CYP2D6: variants seen among roughly 807,000 people sequenced by gnomAD.
The protein encoded by CYP2D6 is cytochrome P450 2D6.
Under a neutral mutation model 43.5 loss-of-function variants are expected in CYP2D6, and 51 were observed. The ratio of observed to expected loss-of-function variants is 1.17; its 90% CI spans 0.94 to 1.48. The LOEUF is 1.48. Among genes scored for constraint, CYP2D6 ranks in the 40% most tolerant of loss-of-function variants. The probability of loss-of-function intolerance (pLI) is 0.00; values close to 1 mark genes in which losing one functional copy is unlikely to be tolerated. For missense variants in CYP2D6, 698 were observed against 688.0 expected (o/e 1.01, Z -0.16); for synonymous variants, 346 against 297.1 (o/e 1.16, Z -1.69).
chr22:42,129,484 C>G (rs550962597), intron 2 of CYP2D6: 1 of 724,562 alleles, frequency 1.4e-6, no homozygotes, highest in South Asian at 1.6e-5. Context: ...ACACCGGATT[C>G]CAGCTGGGAA....
rs200720666 is a variant in CYP2D6 at position 42,128,973 on chromosome 22, C to T, written c.506-29G>A. The T allele has an allele frequency of 3.1e-5, 49 of 1,581,394 alleles. 1 individual carries two copies. The highest frequency in any genetic ancestry group is 1.3e-4 in the Admixed American group (7 of 54,752). On this transcript the variant is annotated intron_variant, in intron 3 of 8. Coordinates refer to ENST00000645361, the MANE Select transcript of CYP2D6 (RefSeq NM_000106.6). ...GGGGTGGGAGATGCGGGTAAGGGGT[C>T]GCCTTCCCCGTCCCCCGCCTTCCCA...
At chr22:42,127,748 G>C (rs952762122) in intron 6 of CYP2D6, 94 bp downstream of exon 6, 9 of 1,573,650 alleles carry the variant, frequency 5.7e-6, no homozygotes, top group Non-Finnish European at 7.9e-6. Flanking sequence ...GGTCAAGCCT[G>C]TGCTTGGAGC....
rs140513104 is a variant in CYP2D6, at chr22:42,127,853, G to A, written c.974C>T (p.Pro325Leu). The A allele has an allele frequency of 1.5e-4, 247 of 1,610,896 alleles. 5 individuals carry two copies. Among genetic ancestry groups the A allele is most frequent in the South Asian group, 7.0e-4 (64 of 90,904 alleles). ...CCAGATGGGCTCACGCTGCACATCC[G>A]GATGTAGGATCATGAGCAGGAGGCC... is the stretch of plus-strand genomic sequence containing the variant. ...AWGLLLMILH[P>L]DVQRRVQQEI... is the part of the protein sequence containing the mutation. Residue 325 changes from proline to leucine, a missense_variant, in exon 6 of 9, where the codon CCG becomes CTG. Physicochemically the swap from Pro to Leu is moderately conservative, Grantham distance 98 (BLOSUM62 -3). Coordinates refer to ENST00000645361, the MANE Select transcript of CYP2D6 (RefSeq NM_000106.6).
rs1135837 is a variant in CYP2D6, at chr22:42,126,633, C to T, written c.1435G>A (p.Gly479Ser). 1 of 1,609,356 alleles carries T rather than the reference C, an allele frequency of 6.2e-7. No individual in the cohort carries two copies. Among genetic ancestry groups the T allele is most frequent in the Non-Finnish European group, 8.5e-7 (1 of 1,177,714 alleles). ...GGGCTCACCAGGAAAGCAAAGACAC[C>T]ATGGTGGCTGGGCCGGGGCTGTCCA... ...PTGQPRPSHH[G>S]VFAFLVSPSP... The change falls in exon 9 of 9, where the codon GGT becomes AGT. Residue 479 changes from glycine (G) to serine (S), a missense_variant. Gly to Ser is a moderately conservative substitution (Grantham distance 56, BLOSUM62 0). Coordinates refer to ENST00000645361, the MANE Select transcript of CYP2D6 (RefSeq NM_000106.6).
At position 42,126,650 on chromosome 22, in the gene CYP2D6, G is replaced by T. The variant is rs761146705; in HGVS notation, c.1418C>A (p.Pro473His). The part of the protein sequence containing the change: ...HFSFSVPTGQ[P>H]RPSHHGVFAF... ...AAAGACACCATGGTGGCTGGGCCGG[G>T]GCTGTCCAGTGGGCACCGAGAAGCT... Residue 473 changes from proline to histidine, a missense_variant, in exon 9 of 9, where the codon CCC becomes CAC. By Grantham distance (77) the Pro-to-His change is moderately conservative (BLOSUM62 -2). Around this residue, in one of 5 missense-constraint regions of CYP2D6, gnomAD observed 85 missense variants for 81.2 expected, o/e 1.05. Transcript: ENST00000645361. 1 of 1,609,624 alleles carries T rather than the reference G, an allele frequency of 6.2e-7. No homozygotes were observed. Among genetic ancestry groups the T allele is most frequent in the South Asian group, 1.1e-5 (1 of 90,544 alleles).
Position 42,128,961 on chromosome 22 carries a change from C to A in CYP2D6, c.506-17G>T, listed in dbSNP as rs554875652. On this transcript the variant is annotated splice_polypyrimidine_tract_variant and intron_variant, in intron 3 of 8. Transcript: ENST00000645361. ...AGGGGCGTCCTGGGGGTGGGAGATG[C>A]GGGTAAGGGGTCGCCTTCCCCGTCC... 4 of 1,582,596 alleles carry A rather than the reference C, an allele frequency of 2.5e-6. No individual in the cohort carries two copies. Among genetic ancestry groups the A allele is most frequent in the African/African-American group, 1.4e-5 (1 of 73,564 alleles).
rs747998333 is a variant in CYP2D6, at chr22:42,126,622, A to G, written c.1446T>C (p.Ala482=). 6.2e-6 allele frequency: 10 copies of G among 1,608,148 alleles called. No individual in the cohort carries two copies. Among genetic ancestry groups the G allele is most frequent in the Non-Finnish European group, 8.5e-6 (10 of 1,177,168 alleles). ...CATAGGGGGATGGGCTCACCAGGAA[A>G]GCAAAGACACCATGGTGGCTGGGCC... is the stretch of plus-strand genomic sequence containing the variant. ...QPRPSHHGVF[A]FLVSPSPYEL... Residue 482 remains alanine (A), a synonymous_variant, in exon 9 of 9, where the codon GCT becomes GCC. Transcript: ENST00000645361.
intron 2 of CYP2D6, 102 bp downstream of exon 2, chr22:42,129,636 G>C: frequency 6.7e-7 from 1 of 1,500,076 alleles, no homozygotes; most frequent in Non-Finnish European, 9.2e-7. Flanking sequence ...TCGCTGGCCT[G>C]TTTCATGTCC....
rs765549386 is a variant in CYP2D6 at position 42,128,817 on chromosome 22, C to T, written c.633G>A (p.Glu211=). The change falls in exon 4 of 9, where the codon GAG becomes GAA. Residue 211 remains glutamate (E), a synonymous_variant. Transcript: ENST00000645361. ...RFLRLLDLAQ[E]GLKEESGFLR... is the part of the protein sequence containing the mutation. ...GAAAGCCCGACTCCTCCTTCAGTCCCTCCTGAGCTAGGTCCAGCAGCCTGA... is the reference window on the plus strand; with the variant it reads ...GAAAGCCCGACTCCTCCTTCAGTCCTTCCTGAGCTAGGTCCAGCAGCCTGA... The T allele has an allele frequency of 7.5e-6, 12 of 1,605,448 alleles. No individual in the cohort carries two copies. The highest frequency in any genetic ancestry group is 3.3e-5 in the South Asian group (3 of 90,076).
rs758604802 is a variant in CYP2D6, at chr22:42,127,008, A to C, written c.1174-16T>G. On this transcript the variant is annotated splice_polypyrimidine_tract_variant and intron_variant, in intron 7 of 8. Coordinates refer to ENST00000645361, the MANE Select transcript of CYP2D6 (RefSeq NM_000106.6). The stretch of plus-strand genomic sequence containing the variant: ...GTGTCGTTCCCTGGGCAGGAGATGC[A>C]GGGTGAGAGTGGGGACTGGACTCTA... The C allele has an allele frequency of 1.3e-6, 2 of 1,593,846 alleles. No individual in the cohort carries two copies. Among genetic ancestry groups the C allele is most frequent in the Non-Finnish European group, 1.7e-6 (2 of 1,169,806 alleles).
At chr22:42,128,388 C>T (rs1270259225) in intron 4 of CYP2D6, 38 bp from the exon 5 acceptor site, 13 of 1,600,180 alleles carry the variant, frequency 8.1e-6, no homozygotes, top group Non-Finnish European at 1.1e-5. Flanking sequence ...CCCTCCTGTG[C>T]TCTGCGTTCA....
intron 4 of CYP2D6, 103 bp from the exon 5 acceptor site, chr22:42,128,453 C>G (rs1045760211): frequency 1.4e-5 from 19 of 1,336,244 alleles, no homozygotes; most frequent in Non-Finnish European, 1.9e-5. Context: ...GCCTGCCTGT[C>G]CTTACCACTG....
In CYP2D6 at chr22:42,126,603, G is replaced by T; in HGVS notation, c.1465C>A (p.Pro489Thr). ...GVFAFLVSPSPYELCAVPR is the reference protein window; with the variant it reads ...GVFAFLVSPSTYELCAVPR ...CGGGGCACAGCACAAAGCTCATAGG[G>T]GGATGGGCTCACCAGGAAAGCAAAG... Residue 489 changes from proline (P) to threonine (T), a missense_variant, in exon 9 of 9, where the codon CCC becomes ACC. Transcript: ENST00000645361. 1 of 1,606,160 alleles carries T rather than the reference G, an allele frequency of 6.2e-7. No individual in the cohort carries two copies. Among genetic ancestry groups the T allele is most frequent in the Non-Finnish European group, 8.5e-7 (1 of 1,175,814 alleles).
In CYP2D6 at chr22:42,129,729, G is replaced by A. The variant is rs1162443088; in HGVS notation, c.352+9C>T. On this transcript the variant is annotated intron_variant, in intron 2 of 8. Transcript: ENST00000645361. ...ACGGAAATCTGTCTCTGTCCCCACC[G>A]CTGCTTGCCTTGGGAACGCGGCCCG... 18 of 1,609,428 alleles carry A rather than the reference G, an allele frequency of 1.1e-5. No individual in the cohort carries two copies. Among genetic ancestry groups the A allele is most frequent in the Non-Finnish European group, 1.4e-5 (17 of 1,178,070 alleles).
In CYP2D6 at chr22:42,129,734, T is replaced by C. The variant is rs1931727191; in HGVS notation, c.352+4A>G. On this transcript the variant is annotated splice_donor_region_variant and intron_variant, in intron 2 of 8. Transcript: ENST00000645361. The stretch of plus-strand genomic sequence containing the variant: ...AATCTGTCTCTGTCCCCACCGCTGC[T>C]TGCCTTGGGAACGCGGCCCGAAACC... The C allele has an allele frequency of 1.2e-6, 2 of 1,609,718 alleles. No individual in the cohort carries two copies. The highest frequency in any genetic ancestry group is 2.7e-5 in the African/African-American group (2 of 74,400).
Position 42,127,939 on chromosome 22 carries a change from G to A in CYP2D6, c.888C>T (p.Arg296=). ...CAGAGAACAGGTCAGCCACCACTAT[G>A]CGCAGGTTCTCATCATTGAAGCTGC... The part of the protein sequence containing the change: ...PESSFNDENL[R]IVVADLFSAG... Residue 296 remains arginine, a synonymous_variant, in exon 6 of 9, where the codon CGC becomes CGT. Transcript: ENST00000645361. 6.2e-7 allele frequency: 1 copy of A among 1,611,306 alleles called. No individual in the cohort carries two copies. Among genetic ancestry groups the A allele is most frequent in the Non-Finnish European group, 8.5e-7 (1 of 1,178,242 alleles).
At position 42,127,852 on chromosome 22, in the gene CYP2D6, C is replaced by T. The variant is rs79292917; in HGVS notation, c.975G>A (p.Pro325=). 3.6e-3 allele frequency: 5,752 copies of T among 1,610,970 alleles called. 199 individuals carry two copies. Among genetic ancestry groups the T allele is most frequent in the Non-Finnish European group, 4.3e-3 (5,110 of 1,178,072 alleles). Residue 325 remains proline (P), a synonymous_variant, in exon 6 of 9, where the codon CCG becomes CCA. Coordinates refer to ENST00000645361, the MANE Select transcript of CYP2D6 (RefSeq NM_000106.6). ...AWGLLLMILH[P]DVQRRVQQEI... ...CCCAGATGGGCTCACGCTGCACATC[C>T]GGATGTAGGATCATGAGCAGGAGGC... is the stretch of plus-strand genomic sequence containing the variant.
rs1488267025 is a variant in CYP2D6 at position 42,129,333 on chromosome 22, T to C, written c.353-148A>G. 26 of 1,123,904 alleles carry C rather than the reference T, an allele frequency of 2.3e-5. No homozygotes were observed. In the Admixed American group the frequency reaches 5.2e-4, roughly 22 times the overall value. 69.6% of individuals were successfully genotyped at this position (1,123,904 alleles called of 1,614,324 possible). A position where few individuals can be genotyped will look rare whatever the true frequency, so the allele number is the denominator to read the frequency against. ...GGGCCCACTCTTTGTGCATCCACCT[T>C]GCTCCCTTGGCTGGGGCAGGGCTTT... On this transcript the variant is annotated intron_variant, in intron 2 of 8. Coordinates refer to ENST00000645361, the MANE Select transcript of CYP2D6 (RefSeq NM_000106.6).
Position 42,127,611 on chromosome 22 carries a change from C to T in CYP2D6, c.1009G>A (p.Asp337Asn), listed in dbSNP as rs78209835. The T allele has an allele frequency of 2.6e-3, 4,113 of 1,611,490 alleles. 79 individuals are homozygous for T. Among genetic ancestry groups the T allele is most frequent in the Non-Finnish European group, 1.2e-3 (1,460 of 1,178,276 alleles). ...GGTCGCCGCACCTGCCCTATCACGTCGTCGATCTCCTGTTGGACACGGCCT... is the reference window on the plus strand; with the variant it reads ...GGTCGCCGCACCTGCCCTATCACGTTGTCGATCTCCTGTTGGACACGGCCT... ...VQRRVQQEID[D>N]VIGQVRRPEM... is the part of the protein sequence containing the mutation. Residue 337 changes from aspartate to asparagine, a missense_variant, in exon 7 of 9, where the codon GAC becomes AAC. Asp to Asn is a conservative substitution (Grantham distance 23, BLOSUM62 1). This residue lies in a region of CYP2D6 where 588 missense variants were observed against 521.1 expected (regional missense o/e 1.13). Transcript: ENST00000645361.
Sources: allele counts gnomAD v4.1 joint callset, GRCh38; gene constraint gnomAD v4.1.1; regional missense constraint gnomAD v4.1.1; transcripts MANE v1.5; gene names NCBI Gene and HGNC (gene_info 2026-07-23, HGNC 2026-07-21).